Variants in PCDHA2 observed in about 807,000 individuals in gnomAD.
PCDHA2 encodes protocadherin alpha-2.
Under a neutral mutation model 66.0 loss-of-function variants are expected in PCDHA2, and 58 were observed. That is an observed-to-expected ratio of 0.88 (90% CI 0.71 to 1.09). The LOEUF (loss-of-function observed/expected upper bound fraction) is 1.09, where lower values mean the gene tolerates loss of function less well. PCDHA2 is among the 50% of genes least tolerant of loss of function. PCDHA2 has a pLI of 0.00. For missense variants in PCDHA2, 1,267 were observed against 1,242.3 expected (o/e 1.02, Z -0.30); for synonymous variants, 634 against 554.0 (o/e 1.14, Z -2.03).
chr5:140,801,444 A>G (rs1554121478), intron 1 of PCDHA2: 3 of 1,613,942 alleles, frequency 1.9e-6, no homozygotes, highest in East Asian at 2.2e-5. Flanking sequence ...GCAGAATGGC[A>G]TTTTGTTTGT....
In PCDHA2 at chr5:140,848,293, C is replaced by T. The variant is rs2150408206; in HGVS notation, c.2388+50941C>T. On this transcript the variant is annotated intron_variant, in intron 1 of 3. Transcript: ENST00000526136. ...TGAAATATGTACTTACACTTTGGGC[C>T]ACGTGATGTCACTCTTTGCCGCGAT... The T allele has an allele frequency of 2.0e-5, 13 of 642,032 alleles. 2 individuals are homozygous for T. The highest frequency in any genetic ancestry group is 3.2e-5 in the Non-Finnish European group (12 of 369,632). 39.8% of individuals were successfully genotyped at this position (642,032 alleles called of 1,614,324 possible).
chr5:140,874,868 T>C (rs1554167378), intron 1 of PCDHA2, among the ~76,000 whole-genome samples: 1 of 152,254 alleles, frequency 6.6e-6, no homozygotes, highest in Non-Finnish European at 1.5e-5. Flanking sequence ...TTATCCTTTG[T>C]TAAATACAAA....
chr5:140,861,496 T>C (rs2153222110), intron 1 of PCDHA2: 1 of 486,240 alleles, frequency 2.1e-6, no homozygotes, highest in Non-Finnish European at 4.2e-6. Context: ...AGTTCTCTGA[T>C]AGACCTCGAG....
chr5:140,805,472 A>G (rs1258521064), intron 1 of PCDHA2: 3 of 1,002,266 alleles, frequency 3.0e-6, no homozygotes, highest in Admixed American at 6.0e-5. Context: ...TAGTTCTTCA[A>G]TAGAGAGGGA....
intron 1 of PCDHA2, among the ~76,000 whole-genome samples, chr5:140,838,078 G>T (rs1414212899): frequency 5.1e-3 from 32 of 6,318 alleles, no homozygotes; most frequent in East Asian, 4.1e-3. Context: ...TATATATATA[G>T]TGTGTGTGTG....
rs782314094 is a variant in PCDHA2, at chr5:140,796,370, C to T, written c.1406C>T (p.Pro469Leu). 1.1e-5 allele frequency: 18 copies of T among 1,613,094 alleles called. No homozygotes were observed. The highest frequency in any genetic ancestry group is 1.4e-5 in the Non-Finnish European group (16 of 1,179,812). Residue 469 changes from proline to leucine, a missense_variant, in exon 1 of 4, where the codon CCG becomes CTG. Pro to Leu is a moderately conservative substitution (Grantham distance 98, BLOSUM62 -3). Transcript: ENST00000526136. ...EYTVFVKENNPPGCHIFTVSA... is the reference protein window; with the variant it reads ...EYTVFVKENNLPGCHIFTVSA... ...ACAGTATTCGTGAAGGAGAACAACC[C>T]GCCGGGCTGCCACATCTTCACGGTG... is the stretch of plus-strand genomic sequence containing the variant.
intron 1 of PCDHA2, among the ~76,000 whole-genome samples, chr5:140,946,626 A>G (rs2093985217): frequency 7.5e-6 from 1 of 132,480 alleles, no homozygotes; most frequent in Non-Finnish European, 1.6e-5. Context: ...ATATATATAT[A>G]TATATACAAT....
chr5:140,797,145 C>T lies in PCDHA2; in HGVS notation c.2181C>T (p.Pro727=), dbSNP rs1263334138. ...LYTALRCSVP[P]TEGARAPGKP... ...CTGCGCTGCGGTGCTCGGTGCCACC[C>T]ACCGAGGGTGCGCGCGCGCCAGGAA... Residue 727 remains proline (P), a synonymous_variant, in exon 1 of 4, where the codon CCC becomes CCT. Coordinates refer to ENST00000526136, the MANE Select transcript of PCDHA2 (RefSeq NM_018905.3). The T allele has an allele frequency of 3.7e-6, 6 of 1,613,878 alleles. No individual in the cohort carries two copies. The highest frequency in any genetic ancestry group is 2.2e-5 in the East Asian group (1 of 44,878).
intron 1 of PCDHA2, chr5:140,928,252 G>C (rs1377533547): frequency 2.5e-6 from 4 of 1,614,208 alleles, no homozygotes; most frequent in Non-Finnish European, 3.4e-6. Flanking sequence ...GGAACTTTTC[G>C]TTGCTGAAAA....
chr5:140,927,848 G>T (rs1295513512), intron 1 of PCDHA2: 2 of 1,614,180 alleles, frequency 1.2e-6, no homozygotes, highest in Middle Eastern at 3.3e-4. Context: ...GGTGTCTTTG[G>T]TTTAGCTAGC....
At chr5:140,829,687 G>A (rs2150172545) in intron 1 of PCDHA2, 3 of 1,613,340 alleles carry the variant, frequency 1.9e-6, no homozygotes, top group East Asian at 2.2e-5. Flanking sequence ...AGCTGCTGCA[G>A]TTTCAGGTGA....
intron 1 of PCDHA2, among the ~76,000 whole-genome samples, chr5:140,903,753 A>ACTTGATGACCCATAGTCAAATGTTCAG (rs2070561730): frequency 2.0e-5 from 3 of 152,186 alleles, no homozygotes; most frequent in Non-Finnish European, 4.4e-5. Flanking sequence ...GTTTCCCTTG[A>ACTTGATGACCCATAGTCAAATGTTCAG]TTTTTGCTGA....
chr5:140,799,366 C>G (rs1554120905), intron 1 of PCDHA2, among the ~76,000 whole-genome samples: 1 of 152,016 alleles, frequency 6.6e-6, no homozygotes, highest in South Asian at 2.1e-4. Flanking sequence ...CATCTCATTA[C>G]TATGAAGTCC....
chr5:140,973,586 C>A (rs1207651483), intron 1 of PCDHA2, among the ~76,000 whole-genome samples: 1 of 152,176 alleles, frequency 6.6e-6, no homozygotes, highest in Non-Finnish European at 1.5e-5. Flanking sequence ...GACTGCTGAG[C>A]CAGATGGAAT....
chr5:140,800,916 T>A, intron 1 of PCDHA2: 1 of 612,090 alleles, frequency 1.6e-6, no homozygotes, highest in Non-Finnish European at 2.4e-6. Flanking sequence ...GATATTACAA[T>A]TGAAACTAGA....
At chr5:140,948,942 T>TA (rs34363674) in intron 1 of PCDHA2, among the ~76,000 whole-genome samples, 48,005 of 151,444 alleles carry the variant, frequency 0.32, 7,947 homozygotes, top group East Asian at 0.53. Flanking sequence ...TCTTCTAATA[T>TA]AAAAAAATTA....
At position 140,979,365 on chromosome 5, in the gene PCDHA2, C is replaced by T. The variant is rs782063202; in HGVS notation, c.2447+358C>T. Among the ~76,000 whole-genome samples, 13 of 151,916 alleles carry T rather than the reference C, an allele frequency of 8.6e-5. 1 individual carries two copies. The highest frequency in any genetic ancestry group is 1.5e-5 in the Non-Finnish European group (1 of 67,992). On this transcript the variant is annotated intron_variant, in intron 2 of 3. Coordinates refer to ENST00000526136, the MANE Select transcript of PCDHA2 (RefSeq NM_018905.3). ...TGTAATTAATACTCATGCTTTGAGA[C>T]TTGGGTACATTGTGCAATGTATACA...
At chr5:140,976,424 G>A (rs2096715736) in intron 1 of PCDHA2, among the ~76,000 whole-genome samples, 1 of 152,114 alleles carries the variant, frequency 6.6e-6, no homozygotes, top group Non-Finnish European at 1.5e-5. Flanking sequence ...GGTGGCAGAT[G>A]CCTGTAATCC....
rs2150175882 is a variant in PCDHA2, at chr5:140,829,839, G to A, written c.2388+32487G>A. The A allele has an allele frequency of 1.2e-6, 2 of 1,613,930 alleles. No individual in the cohort carries two copies. The highest frequency in any genetic ancestry group is 1.3e-5 in the African/African-American group (1 of 75,056). ...GGTGCAGTGAGCGAGCTGGTGCCGC[G>A]GTCACTGGGTGCAGGCCAAGTGGTG... On this transcript the variant is annotated intron_variant, in intron 1 of 3. Transcript: ENST00000526136.
Sources: gnomAD v4.1 joint callset for allele counts (sites outside exome capture counted in the v4.1 genomes callset) on GRCh38, gnomAD v4.1.1 for gene constraint, MANE v1.5 for transcripts, NCBI Gene and HGNC (gene_info 2026-07-23, HGNC 2026-07-21) for gene names.